The following COL22A1 variants were observed in gnomAD, a reference collection of about 807,000 sequenced individuals.
COL22A1 encodes collagen type XXII alpha 1 chain, also known as collagen alpha-1(XXII) chain.
A neutral mutation model predicts 248.9 loss-of-function variants in COL22A1; 221 were observed. That is an observed-to-expected ratio of 0.89 (90% confidence interval 0.80 to 0.99). The LOEUF is 0.99. Ranked by LOEUF, COL22A1 falls within the 50% of genes least tolerant of loss-of-function variation. The probability of loss-of-function intolerance (pLI) is 0.00; values close to 1 mark genes in which losing one functional copy is unlikely to be tolerated. For missense variants in COL22A1, 2,240 were observed against 2,179.0 expected, an observed-to-expected ratio of 1.03 and a Z score of -0.56; for synonymous variants, 891 against 793.4, an observed-to-expected ratio of 1.12 and a Z score of -2.07.
intron 17 of COL22A1, 46 bp downstream of exon 17, chr8:138,762,367 C>T (rs751718855): frequency 5.0e-6 from 8 of 1,590,826 alleles, no homozygotes; most frequent in Admixed American, 1.7e-5. Context: ...TTCCCATCCT[C>T]TGACCGCTGA....
At chr8:138,640,234 C>G (rs1010588370) in intron 47 of COL22A1, among the ~76,000 whole-genome samples, 5 of 152,164 alleles carry the variant, frequency 3.3e-5, no homozygotes, top group African/African-American at 1.2e-4. Flanking sequence ...TTTTTAATTA[C>G]ATTTTTCCAG....
rs1311366215 is a variant in COL22A1, at chr8:138,862,014, C to T, written c.658+15736G>A. Among the ~76,000 whole-genome samples the T allele has an allele frequency of 3.8e-5, 5 of 132,430 alleles. No homozygotes were observed. The South Asian group carries it at 1.2e-3, about 33-fold the overall frequency. 86.9% of individuals were successfully genotyped at this position (132,430 alleles called of 152,430 possible). A position where few individuals can be genotyped will look rare whatever the true frequency, so the allele number is the denominator to read the frequency against. The stretch of plus-strand genomic sequence containing the variant: ...GACCAGCCTGGCCAACATGGTGAAA[C>T]CCTGTCTCTACTAAAAAAAAAAAAA... On this transcript the variant is annotated intron_variant, in intron 3 of 64. Transcript: ENST00000303045.
At chr8:138,599,410 C>A (rs987709925) in intron 60 of COL22A1, among the ~76,000 whole-genome samples, 1 of 152,036 alleles carries the variant, frequency 6.6e-6, no homozygotes, top group Non-Finnish European at 1.5e-5. Context: ...ACCCGGGAGG[C>A]GGAGGTTGCA....
At chr8:138,796,728 C>T (rs1816571786) in intron 12 of COL22A1, 91 bp downstream of exon 12, 1 of 896,172 alleles carries the variant, frequency 1.1e-6, no homozygotes, top group South Asian at 1.3e-5. Context: ...CGAATTCTTT[C>T]CAGGCAACAT....
At chr8:138,594,363 A>G (rs10097507) in intron 62 of COL22A1, among the ~76,000 whole-genome samples, 164 bp from the exon 63 acceptor site, 34,798 of 151,118 alleles carry the variant, frequency 0.23, 6,773 homozygotes, top group African/African-American at 0.53. Context: ...AGGGGCCGAT[A>G]ATAGCTGCAG....
At chr8:138,903,382 T>C (rs531984097) in intron 1 of COL22A1, among the ~76,000 whole-genome samples, 1 of 152,326 alleles carries the variant, frequency 6.6e-6, no homozygotes, top group East Asian at 1.9e-4. Context: ...CTGGGGGGCC[T>C]TCAATGTTGT....
intron 55 of COL22A1, 119 bp from the exon 56 acceptor site, chr8:138,614,039 C>T (rs1388516325): frequency 1.2e-5 from 9 of 773,928 alleles, no homozygotes; most frequent in Non-Finnish European, 1.8e-5. Context: ...ACAAATTGTC[C>T]AGCATGTTTC....
chr8:138,653,601 C>T (rs1400745323), intron 45 of COL22A1, among the ~76,000 whole-genome samples: 1 of 152,134 alleles, frequency 6.6e-6, no homozygotes, highest in Non-Finnish European at 1.5e-5. Flanking sequence ...AAGATGACCT[C>T]CATGGGCACA....
intron 30 of COL22A1, 114 bp from the exon 31 acceptor site, chr8:138,703,461 C>T (rs1165037819): frequency 2.1e-5 from 20 of 957,860 alleles, no homozygotes; most frequent in Non-Finnish European, 3.0e-5. Context: ...TTGTCTTCTG[C>T]AGGGTGCAGG....
At chr8:138,881,077 G>A (rs1824165300) in intron 2 of COL22A1, among the ~76,000 whole-genome samples, 1 of 152,208 alleles carries the variant, frequency 6.6e-6, no homozygotes. Flanking sequence ...GCCACTCCTG[G>A]CAGGTGAGTG....
intron 21 of COL22A1, 144 bp downstream of exon 21, chr8:138,755,013 G>T: frequency 1.3e-6 from 1 of 795,342 alleles, no homozygotes. Flanking sequence ...CGTGAGACGT[G>T]ACCACAACAG....
intron 3 of COL22A1, among the ~76,000 whole-genome samples, chr8:138,871,434 G>A (rs1459890073): frequency 6.6e-6 from 1 of 152,166 alleles, no homozygotes; most frequent in Admixed American, 6.5e-5. Flanking sequence ...ATCTTGGCTT[G>A]CACAGTTGTT....
At chr8:138,906,163 G>A (rs1282241684) in intron 1 of COL22A1, among the ~76,000 whole-genome samples, 1 of 152,154 alleles carries the variant, frequency 6.6e-6, no homozygotes, top group East Asian at 1.9e-4. Context: ...GAGGTCAGGA[G>A]ATTGAGACCA....
chr8:138,876,947 A>T (rs1011713820), intron 3 of COL22A1, among the ~76,000 whole-genome samples: 3 of 152,228 alleles, frequency 2.0e-5, no homozygotes, highest in Non-Finnish European at 2.9e-5. Context: ...ATGTCACCCC[A>T]ATGCAATAGG....
chr8:138,886,916 T>C (rs76411573), intron 1 of COL22A1, among the ~76,000 whole-genome samples: 3,621 of 152,238 alleles, frequency 0.024, 142 homozygotes, highest in African/African-American at 0.083. Context: ...TTTTTACTTT[T>C]TAAAATTGTT....
chr8:138,699,995 T>A, intron 32 of COL22A1, 117 bp downstream of exon 32: 1 of 934,370 alleles, frequency 1.1e-6, no homozygotes, highest in East Asian at 2.6e-5. Flanking sequence ...TCCCTGACAG[T>A]GATGAACGCG....
intron 44 of COL22A1, 103 bp from the exon 45 acceptor site, chr8:138,656,047 T>A: frequency 1.1e-6 from 1 of 927,934 alleles, no homozygotes; most frequent in Non-Finnish European, 1.7e-6. Context: ...ACACAATACG[T>A]GACACACTGC....
intron 50 of COL22A1, among the ~76,000 whole-genome samples, chr8:138,627,448 T>C (rs185440179): frequency 1.1e-3 from 171 of 152,312 alleles, no homozygotes; most frequent in African/African-American, 3.6e-3. Flanking sequence ...GTTTGCCAAG[T>C]ACTATATTAG....
intron 59 of COL22A1, among the ~76,000 whole-genome samples, chr8:138,604,253 T>G (rs1818262377): frequency 6.6e-6 from 1 of 152,034 alleles, no homozygotes; most frequent in African/African-American, 2.4e-5. Flanking sequence ...GACCTGCAGG[T>G]TGTACTGCAG....
Sources: allele counts gnomAD v4.1 joint callset (sites outside exome capture counted in the v4.1 genomes callset), GRCh38; gene constraint gnomAD v4.1.1; transcripts MANE v1.5; gene names NCBI Gene and HGNC (gene_info 2026-07-23, HGNC 2026-07-21).